Variants in WNT9B observed in about 807,000 individuals in gnomAD.
The protein encoded by WNT9B is protein Wnt-9b.
Under a neutral mutation model 30.2 loss-of-function variants are expected in WNT9B, and 12 were observed. The observed-to-expected ratio is 0.40, with a 90% CI of 0.26 to 0.64. The LOEUF (loss-of-function observed/expected upper bound fraction) is 0.64. Ranked by LOEUF, WNT9B falls within the 30% of genes least tolerant of loss-of-function variation. The probability of loss-of-function intolerance (pLI) is 0.42; values close to 1 mark genes in which losing one functional copy is unlikely to be tolerated. For missense variants in WNT9B, 442 were observed against 485.2 expected, an observed-to-expected ratio of 0.91 and a Z score of 0.84; for synonymous variants, 218 against 216.9, an observed-to-expected ratio of 1.01 and a Z score of -0.05.
intron 1 of WNT9B, among the ~76,000 whole-genome samples, chr17:46,870,904 C>CTTTTTTTTTTTTTTTTTTT (rs144277402): frequency 5.1e-5 from 4 of 78,388 alleles, no homozygotes; most frequent in African/African-American, 2.0e-4. Context: ...TCCACCTTTG[C>CTTTTTTTTTTTTTTTTTTT]TTTTTTTTTT....
intron 1 of WNT9B, among the ~76,000 whole-genome samples, chr17:46,857,631 G>A (rs904461689): frequency 1.5e-4 from 23 of 152,116 alleles, no homozygotes; most frequent in African/African-American, 4.6e-4. Flanking sequence ...GGATCAGATG[G>A]TTGATATATG....
intron 2 of WNT9B, among the ~76,000 whole-genome samples, chr17:46,873,825 A>G (rs1349993280): frequency 2.0e-5 from 3 of 152,036 alleles, no homozygotes; most frequent in Non-Finnish European, 4.4e-5. Flanking sequence ...CCCCATCTCT[A>G]CTAAAAATAC....
At chr17:46,863,126 C>T (rs2085070939) in intron 1 of WNT9B, among the ~76,000 whole-genome samples, 1 of 149,348 alleles carries the variant, frequency 6.7e-6, no homozygotes, top group African/African-American at 2.5e-5. Context: ...GGGCGTGGCA[C>T]AGGCAGCCTC....
At chr17:46,834,996 CCTT>C (rs971913593) in intron 1 of WNT9B, among the ~76,000 whole-genome samples, 21 of 144,914 alleles carry the variant, frequency 1.4e-4, no homozygotes, top group Admixed American at 6.7e-4. Context: ...TTCTCCTTCT[CCTT>C]CTTCTTCTTT....
At chr17:46,873,166 G>A (rs939187159) in intron 2 of WNT9B, among the ~76,000 whole-genome samples, 8 of 151,652 alleles carry the variant, frequency 5.3e-5, no homozygotes, top group Non-Finnish European at 1.0e-4. Context: ...GAGGATGGGC[G>A]GCAGCTGATT....
At chr17:46,841,165 C>T (rs1258051081) in intron 1 of WNT9B, among the ~76,000 whole-genome samples, 1 of 152,216 alleles carries the variant, frequency 6.6e-6, no homozygotes, top group African/African-American at 2.4e-5. Flanking sequence ...TGAGCACCTA[C>T]TATGTGACAG....
intron 1 of WNT9B, among the ~76,000 whole-genome samples, chr17:46,869,390 G>A (rs1368734035): frequency 6.6e-6 from 1 of 152,164 alleles, no homozygotes; most frequent in Non-Finnish European, 1.5e-5. Flanking sequence ...CTCCCTCCAG[G>A]GTCTCTTCCC....
At chr17:46,861,047 C>A (rs549062529) in intron 1 of WNT9B, among the ~76,000 whole-genome samples, 11 of 152,218 alleles carry the variant, frequency 7.2e-5, no homozygotes, top group African/African-American at 2.4e-4. Context: ...TATAGGTGTG[C>A]GTGTTGGGGG....
upstream of WNT9B, among the ~76,000 whole-genome samples, chr17:46,848,824 C>G (rs1324128055): frequency 6.6e-6 from 1 of 152,220 alleles, no homozygotes; most frequent in African/African-American, 2.4e-5. Flanking sequence ...TCAGCTCTCC[C>G]AGCCTCTGTT....
intron 1 of WNT9B, among the ~76,000 whole-genome samples, chr17:46,839,124 C>T (rs1398667155): frequency 6.6e-6 from 1 of 152,162 alleles, no homozygotes; most frequent in African/African-American, 2.4e-5. Flanking sequence ...GAGTTCCGCC[C>T]GCCTCGGCCT....
upstream of WNT9B, among the ~76,000 whole-genome samples, chr17:46,849,849 C>CTT (rs761797393): frequency 6.3e-3 from 920 of 145,778 alleles, 21 homozygotes; most frequent in African/African-American, 0.02. Flanking sequence ...CATTTAATAT[C>CTT]TTTTTTTTTT....
chr17:46,840,000 C>CTTCTTTCTTTCTTTCTTTCT (rs71138556), intron 1 of WNT9B, among the ~76,000 whole-genome samples: 1 of 125,112 alleles, frequency 8.0e-6, no homozygotes. Flanking sequence ...TTTTTTCTTT[C>CTTCTTTCTTTCTTTCTTTCT]TTCTTTCTTT....
intron 1 of WNT9B, among the ~76,000 whole-genome samples, chr17:46,860,450 G>C (rs2085017804): frequency 6.6e-6 from 1 of 152,094 alleles, no homozygotes; most frequent in African/African-American, 2.4e-5. Context: ...CACTGGGCTT[G>C]GGGTCACACA....
chr17:46,853,304 C>T (rs2084885293), intron 1 of WNT9B, among the ~76,000 whole-genome samples: 1 of 145,250 alleles, frequency 6.9e-6, no homozygotes, highest in South Asian at 2.3e-4. Context: ...TGAGCTAGTA[C>T]ATGTAAAGCA....
upstream of WNT9B, among the ~76,000 whole-genome samples, chr17:46,848,314 T>C (rs1347602469): frequency 6.6e-6 from 1 of 152,206 alleles, no homozygotes; most frequent in Non-Finnish European, 1.5e-5. Flanking sequence ...TTTACATGTT[T>C]ACTGCCATAA....
intron 1 of WNT9B, among the ~76,000 whole-genome samples, chr17:46,833,825 A>G (rs1196416000): frequency 1.3e-5 from 2 of 151,962 alleles, no homozygotes; most frequent in African/African-American, 2.4e-5. Context: ...TTTTCCTTCA[A>G]CTTCCTTCGC....
chr17:46,860,542 T>C (rs1322771046), intron 1 of WNT9B, among the ~76,000 whole-genome samples: 1 of 152,226 alleles, frequency 6.6e-6, no homozygotes, highest in Non-Finnish European at 1.5e-5. Flanking sequence ...AGTTTTCTCA[T>C]CTGTAAAATG....
chr17:46,863,947 G>A (rs991377005), intron 1 of WNT9B, among the ~76,000 whole-genome samples: 3 of 152,190 alleles, frequency 2.0e-5, no homozygotes, highest in African/African-American at 7.2e-5. Context: ...GGCGAAGGGT[G>A]TGGGCCATCC....
At chr17:46,865,704 C>T (rs910857753) in intron 1 of WNT9B, among the ~76,000 whole-genome samples, 3 of 152,156 alleles carry the variant, frequency 2.0e-5, no homozygotes, top group African/African-American at 7.2e-5. Context: ...CAGCCTTGAC[C>T]TCCTGGGCTC....
Sources: allele counts gnomAD v4.1 joint callset (sites outside exome capture counted in the v4.1 genomes callset), GRCh38; gene constraint gnomAD v4.1.1; transcripts MANE v1.5; gene names NCBI Gene and HGNC (gene_info 2026-07-23, HGNC 2026-07-21).